CHD9: variants seen among roughly 807,000 people sequenced by gnomAD.
The protein encoded by CHD9 is chromodomain helicase DNA binding protein 9.
CHD9 carries 77 observed loss-of-function variants against 316.1 expected under a neutral mutation model. The observed-to-expected ratio is 0.24, with a 90% confidence interval of 0.20 to 0.29. The LOEUF (loss-of-function observed/expected upper bound fraction) is 0.29. Among genes scored for constraint, CHD9 ranks in the 10% least tolerant of loss-of-function variants. The pLI, the probability that CHD9 is intolerant of heterozygous loss-of-function variation, is 1.00. For synonymous variants in CHD9, 1,129 were observed against 1,158.3 expected (o/e 0.97, Z 0.51); for missense variants, 2,763 against 3,438.1 (o/e 0.80, Z 4.91).
At position 53,297,070 on chromosome 16, in the gene CHD9, A is replaced by G. The variant is rs1205717005; in HGVS notation, c.5625A>G (p.Leu1875=). 3 of 1,613,742 alleles carry G rather than the reference A, an allele frequency of 1.9e-6. No individual in the cohort carries two copies. Among genetic ancestry groups the G allele is most frequent in the East Asian group, 4.5e-5 (2 of 44,866 alleles). The change falls in exon 30 of 39, where the codon CTA becomes CTG. Residue 1875 remains leucine (L), a synonymous_variant. Coordinates refer to ENST00000447540, the MANE Select transcript of CHD9 (RefSeq NM_001308319.2). ...DWTKFRAMAR[L]HKKTDDSLEK... ...CAAAATTTAGAGCTATGGCTAGGCT[A>G]CATAAGAAAACTGATGATAGTTTGG...
intron 1 of CHD9, among the ~76,000 whole-genome samples, chr16:53,071,268 T>C (rs1415695571): frequency 6.6e-6 from 1 of 152,214 alleles, no homozygotes; most frequent in East Asian, 1.9e-4. Context: ...TTTGAGGCTC[T>C]TGATATATTT....
At chr16:53,079,341 A>G (rs888443799) in intron 1 of CHD9, among the ~76,000 whole-genome samples, 1 of 152,186 alleles carries the variant, frequency 6.6e-6, no homozygotes, top group Non-Finnish European at 1.5e-5. Flanking sequence ...GTGCTCACAC[A>G]ATGTTTGTTG....
At chr16:53,296,376 T>C (rs2054788771) in intron 29 of CHD9, among the ~76,000 whole-genome samples, 2 of 152,132 alleles carry the variant, frequency 1.3e-5, no homozygotes, top group African/African-American at 4.8e-5. Context: ...TTTAAAAGTA[T>C]GTTTGGGGAC....
intron 16 of CHD9, chr16:53,248,003 T>C (rs1034695552): frequency 6.5e-6 from 1 of 153,254 alleles, no homozygotes; most frequent in Admixed American, 6.5e-5. Flanking sequence ...GTTTTGTTTA[T>C]TGGTACATCA....
At chr16:53,153,404 T>C (rs2041270834) in intron 1 of CHD9, among the ~76,000 whole-genome samples, 1 of 152,198 alleles carries the variant, frequency 6.6e-6, no homozygotes, top group Non-Finnish European at 1.5e-5. Context: ...AGTAGGCAAG[T>C]AGGTGGGGAA....
chr16:53,230,026 G>T (rs7189240), intron 8 of CHD9, among the ~76,000 whole-genome samples: 40,930 of 151,966 alleles, frequency 0.27, 5,621 homozygotes, highest in Middle Eastern at 0.32. Flanking sequence ...ACATTTAGTT[G>T]TAATATCTCT....
At chr16:53,270,086 C>T (rs892983814) in intron 22 of CHD9, among the ~76,000 whole-genome samples, 3 of 151,830 alleles carry the variant, frequency 2.0e-5, no homozygotes, top group Non-Finnish European at 2.9e-5. Flanking sequence ...CTCACTGCAG[C>T]CTCAAACTCC....
intron 27 of CHD9, 92 bp downstream of exon 27, chr16:53,288,106 A>AT: frequency 1.1e-6 from 1 of 911,494 alleles, no homozygotes; most frequent in Non-Finnish European, 1.8e-6. Flanking sequence ...TTTTGTTTTC[A>AT]TTATACATAA....
intron 2 of CHD9, among the ~76,000 whole-genome samples, chr16:53,193,610 C>T (rs1396827636): frequency 3.3e-5 from 5 of 152,120 alleles, no homozygotes; most frequent in African/African-American, 9.7e-5. Context: ...CCATTCAAAT[C>T]GTTGGCCCAT....
Position 53,088,275 on chromosome 16 carries a change from C to CTTTTTTT in CHD9, c.-165+33201_-165+33202insTTTTTTT, listed in dbSNP as rs35052198. Among the ~76,000 whole-genome samples the CTTTTTTT allele has an allele frequency of 1.0e-4, 13 of 127,048 alleles. 1 individual carries two copies. Among genetic ancestry groups the CTTTTTTT allele is most frequent in the Admixed American group, 4.2e-4 (5 of 11,980 alleles). The allele number at this position is 127,048 out of a possible 152,430, so 83.3% of individuals were successfully genotyped here. A position where few individuals can be genotyped will look rare whatever the true frequency, so the allele number is the denominator to read the frequency against. On this transcript the variant is annotated intron_variant, in intron 1 of 38. Coordinates refer to ENST00000447540, the MANE Select transcript of CHD9 (RefSeq NM_001308319.2). Reference sequence around the variant, plus strand: ...CTGTAATCAAGGAAAATGACATGCACTTTGTTTTTTTTTTTTTTTTGAGAT... The same window carrying CTTTTTTT: ...CTGTAATCAAGGAAAATGACATGCACTTTTTTTTTTGTTTTTTTTTTTTTTTTGAGAT...
Position 53,324,074 on chromosome 16 carries a change from G to C in CHD9, c.7873G>C (p.Glu2625Gln). Residue 2625 changes from glutamate (E) to glutamine (Q), a missense_variant, in exon 39 of 39, where the codon GAG becomes CAG. Glu to Gln is a conservative substitution (Grantham distance 29). Transcript: ENST00000447540. Reference sequence around the variant, plus strand: ...TATTCTCACTGGTCCCGTTGTGAGAGAGGAAGTAAGCAGGCGGGGGAGACG... The same window carrying C: ...TATTCTCACTGGTCCCGTTGTGAGACAGGAAGTAAGCAGGCGGGGGAGACG... ...ERILTGPVVREEVSRRGRRPK... is the reference protein window; with the variant it reads ...ERILTGPVVRQEVSRRGRRPK... 2 of 1,613,960 alleles carry C rather than the reference G, an allele frequency of 1.2e-6. No individual in the cohort carries two copies. The highest frequency in any genetic ancestry group is 1.7e-6 in the Non-Finnish European group (2 of 1,179,840).
At chr16:53,279,152 A>G (rs1428878440) in intron 24 of CHD9, among the ~76,000 whole-genome samples, 5 of 152,228 alleles carry the variant, frequency 3.3e-5, no homozygotes, top group African/African-American at 1.2e-4. Flanking sequence ...AATGTGGCAC[A>G]TATACACCAT....
intron 24 of CHD9, among the ~76,000 whole-genome samples, chr16:53,276,934 A>G (rs2052896178): frequency 6.6e-6 from 1 of 152,174 alleles, no homozygotes; most frequent in Non-Finnish European, 1.5e-5. Context: ...ATTACAACTG[A>G]CACCACGGAA....
intron 36 of CHD9, among the ~76,000 whole-genome samples, chr16:53,317,263 G>C (rs1291130752): frequency 3.3e-5 from 5 of 152,002 alleles, no homozygotes; most frequent in Non-Finnish European, 7.4e-5. Context: ...AGTGAGTGGG[G>C]TAATAGTAAA....
chr16:53,142,460 A>G (rs1452549007), intron 1 of CHD9, among the ~76,000 whole-genome samples: 1 of 152,170 alleles, frequency 6.6e-6, no homozygotes, highest in South Asian at 2.1e-4. Context: ...AGATGGTCCA[A>G]TGAGGAAACA....
intron 7 of CHD9, 160 bp downstream of exon 7, chr16:53,227,763 G>A: frequency 9.7e-6 from 2 of 206,934 alleles, no homozygotes; most frequent in Non-Finnish European, 1.9e-5. Flanking sequence ...AAGTGGAAAA[G>A]GGCCCATTTG....
At chr16:53,130,551 C>T (rs1273785017) in intron 1 of CHD9, among the ~76,000 whole-genome samples, 1 of 149,530 alleles carries the variant, frequency 6.7e-6, no homozygotes, top group East Asian at 2.0e-4. Flanking sequence ...GGCGGGGCTG[C>T]CGGGGGAGCC....
chr16:53,182,929 A>C (rs572671579), intron 2 of CHD9, among the ~76,000 whole-genome samples: 59 of 152,322 alleles, frequency 3.9e-4, no homozygotes, highest in African/African-American at 1.4e-3. Flanking sequence ...GAATGTGTGA[A>C]TATACGAATG....
At chr16:53,315,222 A>G (rs2056790873) in intron 36 of CHD9, among the ~76,000 whole-genome samples, 178 bp downstream of exon 36, 1 of 152,128 alleles carries the variant, frequency 6.6e-6, no homozygotes, top group South Asian at 2.1e-4. Context: ...GTTATTTTCC[A>G]TTTTTCCATT....
Sources: gnomAD v4.1 joint callset for allele counts (sites outside exome capture counted in the v4.1 genomes callset) on GRCh38, gnomAD v4.1.1 for gene constraint, MANE v1.5 for transcripts, NCBI Gene and HGNC (gene_info 2026-07-23, HGNC 2026-07-21) for gene names.